RIMKLB: variants seen among roughly 807,000 people sequenced by gnomAD.
RIMKLB encodes the protein beta-citrylglutamate synthase B.
A neutral mutation model predicts 32.0 loss-of-function variants in RIMKLB; 7 were observed. The ratio of observed to expected loss-of-function variants is 0.22; its 90% CI spans 0.12 to 0.41. The LOEUF (loss-of-function observed/expected upper bound fraction) is 0.41. RIMKLB is among the 10% of genes least tolerant of loss of function. The probability of loss-of-function intolerance (pLI) is 1.00; values close to 1 mark genes in which losing one functional copy is unlikely to be tolerated. For missense variants in RIMKLB, 289 were observed against 498.7 expected (o/e 0.58, Z 4.00); for synonymous variants, 172 against 185.1 (o/e 0.93, Z 0.57).
intron 1 of RIMKLB, among the ~76,000 whole-genome samples, chr12:8,691,028 G>C (rs1342999025): frequency 1.2e-4 from 19 of 152,190 alleles, no homozygotes; most frequent in Admixed American, 1.2e-3. Flanking sequence ...GGACAGTGAT[G>C]TAACTATGTG....
chr12:8,736,150 A>G (rs941822571), intron 2 of RIMKLB, among the ~76,000 whole-genome samples: 3 of 152,162 alleles, frequency 2.0e-5, no homozygotes, highest in African/African-American at 4.8e-5. Context: ...GTGGAAAACC[A>G]TTGTTAGTTC....
intron 2 of RIMKLB, among the ~76,000 whole-genome samples, chr12:8,730,381 C>G (rs1482273127): frequency 2.0e-5 from 3 of 152,246 alleles, no homozygotes; most frequent in Non-Finnish European, 4.4e-5. Flanking sequence ...AGGCACAGTG[C>G]TCAGCCACCC....
At chr12:8,684,657 C>T (rs1225747204) in intron 1 of RIMKLB, among the ~76,000 whole-genome samples, 1 of 151,988 alleles carries the variant, frequency 6.6e-6, no homozygotes, top group Non-Finnish European at 1.5e-5. Flanking sequence ...GACAGAGTCT[C>T]ACCCTGTTGC....
At chr12:8,676,086 T>C in the RIMKLB span, among the ~76,000 whole-genome samples, 1 of 152,152 alleles carries the variant, frequency 6.6e-6, no homozygotes, top group Non-Finnish European at 1.5e-5. Flanking sequence ...ACAGCTTTTC[T>C]TTTTGAGACA....
At chr12:8,684,428 C>T (rs1004312995) in intron 1 of RIMKLB, among the ~76,000 whole-genome samples, 3 of 152,186 alleles carry the variant, frequency 2.0e-5, no homozygotes, top group Non-Finnish European at 4.4e-5. Flanking sequence ...CCGCCCCCGC[C>T]TCCCAAAGTG....
intron 2 of RIMKLB, among the ~76,000 whole-genome samples, chr12:8,736,617 A>T (rs2137403471): frequency 7.0e-6 from 1 of 142,278 alleles, no homozygotes; most frequent in East Asian, 2.1e-4. Flanking sequence ...CCTGGGTAGG[A>T]GTATAGGTGT....
chr12:8,729,891 GT>G (rs1418672979), intron 2 of RIMKLB, among the ~76,000 whole-genome samples: 1 of 152,162 alleles, frequency 6.6e-6, no homozygotes. Flanking sequence ...ATCCTAATGG[GT>G]TATCCCATTG....
intron 1 of RIMKLB, among the ~76,000 whole-genome samples, chr12:8,707,077 C>G (rs1943948892): frequency 6.6e-6 from 1 of 152,060 alleles, no homozygotes; most frequent in Non-Finnish European, 1.5e-5. Context: ...GTGCTTTTTC[C>G]TGTTCTTTCA....
rs1217669164 is a variant in RIMKLB, at chr12:8,747,651, A to C, written c.176-2211A>C. ...TACTGGATGAATATCAATTATTAGT[A>C]AGGAATTGATCATATGGTGTATCTA... On this transcript the variant is annotated intron_variant, in intron 2 of 5. Transcript: ENST00000535829. Among the ~76,000 whole-genome samples, 4 of 152,322 alleles carry C rather than the reference A, an allele frequency of 2.6e-5. No individual in the cohort carries two copies. In the East Asian group the frequency reaches 5.8e-4, roughly 22 times the overall value.
chr12:8,742,027 A>G (rs1309060221), intron 2 of RIMKLB, among the ~76,000 whole-genome samples: 1 of 150,988 alleles, frequency 6.6e-6, no homozygotes, highest in Non-Finnish European at 1.5e-5. Flanking sequence ...CAGCTTCCCA[A>G]GTAGCTGGGA....
intron 2 of RIMKLB, among the ~76,000 whole-genome samples, chr12:8,733,110 G>A (rs777678519): frequency 3.3e-5 from 5 of 151,950 alleles, no homozygotes; most frequent in South Asian, 2.1e-4. Context: ...AGAAATACCC[G>A]TAGACATTTT....
upstream of RIMKLB, among the ~76,000 whole-genome samples, chr12:8,694,387 A>ATT (rs769859426): frequency 0.014 from 1,613 of 118,794 alleles, 100 homozygotes; most frequent in Non-Finnish European, 0.021. Context: ...ATCCTGTTGA[A>ATT]TTTTTTTTCT....
intron 2 of RIMKLB, among the ~76,000 whole-genome samples, chr12:8,737,593 A>G (rs1947126198): frequency 6.6e-6 from 1 of 152,206 alleles, no homozygotes; most frequent in African/African-American, 2.4e-5. Context: ...TTTAGCCTCC[A>G]TTGATGAATC....
chr12:8,670,020 C>T, the RIMKLB span, among the ~76,000 whole-genome samples: 1 of 132,812 alleles, frequency 7.5e-6, no homozygotes, highest in African/African-American at 3.3e-5. Context: ...GAGCAAGACT[C>T]CGTCTCAAAA....
At chr12:8,743,857 T>A (rs1444476650) in intron 2 of RIMKLB, among the ~76,000 whole-genome samples, 1 of 151,980 alleles carries the variant, frequency 6.6e-6, no homozygotes, top group Non-Finnish European at 1.5e-5. Context: ...TCTAAAATAT[T>A]TGTACCAAAA....
At chr12:8,715,228 C>CTTTT (rs61677474) in intron 2 of RIMKLB, among the ~76,000 whole-genome samples, 1 of 123,758 alleles carries the variant, frequency 8.1e-6, no homozygotes, top group Non-Finnish European at 1.7e-5. Flanking sequence ...TGCTCTTGTT[C>CTTTT]TTTTTTTTTT....
intron 5 of RIMKLB, among the ~76,000 whole-genome samples, chr12:8,761,244 T>C (rs1424390847): frequency 6.7e-6 from 1 of 148,520 alleles, no homozygotes; most frequent in African/African-American, 2.5e-5. Context: ...ACTCAGGTGG[T>C]TGAGACGAGA....
At chr12:8,709,589 T>C (rs1397582536) in intron 1 of RIMKLB, among the ~76,000 whole-genome samples, 1 of 152,242 alleles carries the variant, frequency 6.6e-6, no homozygotes. Context: ...GCAGCAGCCC[T>C]TGGGGAGGCC....
In RIMKLB at chr12:8,773,561, C is replaced by G. The variant is rs760873000; in HGVS notation, c.938C>G (p.Thr313Ser). The stretch of plus-strand genomic sequence containing the variant: ...TCCCTTCTACCCTCTGGCCGGCTCA[C>G]CCGGCGTATGTCCCTGCTCTCCGTG... ...AASLLPSGRL[T>S]RRMSLLSVVS... Residue 313 changes from threonine (T) to serine (S), a missense_variant, in exon 6 of 6, where the codon ACC becomes AGC. This residue lies in a region of RIMKLB where 99 missense variants were observed against 133.9 expected (regional missense o/e 0.74). Transcript: ENST00000535829. 46 of 1,614,256 alleles carry G rather than the reference C, an allele frequency of 2.8e-5. No individual in the cohort carries two copies. Among genetic ancestry groups the G allele is most frequent in the Non-Finnish European group, 3.8e-5 (45 of 1,180,044 alleles).
Sources: gnomAD v4.1 joint callset for allele counts (sites outside exome capture counted in the v4.1 genomes callset) on GRCh38, gnomAD v4.1.1 for gene constraint, gnomAD v4.1.1 regional missense constraint, MANE v1.5 for transcripts, NCBI Gene and HGNC (gene_info 2026-07-23, HGNC 2026-07-21) for gene names.